CTU2: variants seen among roughly 807,000 people sequenced by gnomAD.
CTU2 encodes the protein cytoplasmic tRNA 2-thiolation protein 2.
A neutral mutation model predicts 64.1 loss-of-function variants in CTU2; 80 were observed. That is an observed-to-expected ratio of 1.25 (90% CI 1.04 to 1.50). CTU2 has a LOEUF of 1.50. Ranked by LOEUF, CTU2 falls within the 40% of genes most tolerant of loss-of-function variation. The probability of loss-of-function intolerance (pLI) is 0.00; values close to 1 mark genes in which losing one functional copy is unlikely to be tolerated. For missense variants in CTU2, 1,110 were observed against 690.2 expected, an observed-to-expected ratio of 1.61 and a Z score of -6.81; for synonymous variants, 482 against 285.3, an observed-to-expected ratio of 1.69 and a Z score of -6.95.
At chr16:88,713,272 T>A in intron 7 of CTU2, 40 bp from the exon 8 acceptor site, 1 of 918,400 alleles carries the variant, frequency 1.1e-6, no homozygotes, top group Non-Finnish European at 1.4e-6. Flanking sequence ...CTTCCCCGGG[T>A]CCTGCACCCC....
Position 88,715,113 on chromosome 16 carries a change from G to A in CTU2, c.1478+7G>A, listed in dbSNP as rs182790212. The stretch of plus-strand genomic sequence containing the variant: ...CCCAGCTCCGCACACAGAGGTACTG[G>A]GGCCCACACTGCCGTGGCGCGTGGG... On this transcript the variant is annotated splice_region_variant and intron_variant, in intron 14 of 14. Coordinates refer to ENST00000453996, the MANE Select transcript of CTU2 (RefSeq NM_001012759.3). 438 of 1,594,086 alleles carry A rather than the reference G, an allele frequency of 2.7e-4. 2 individuals carry two copies. The East Asian group carries it at 7.1e-3, about 26-fold the overall frequency.
intron 5 of CTU2, 34 bp downstream of exon 5, chr16:88,711,729 C>T (rs372120708): frequency 3.2e-6 from 5 of 1,581,386 alleles, no homozygotes; most frequent in African/African-American, 1.3e-5. Flanking sequence ...TAGTCCCTGG[C>T]CACTTGGGGT....
chr16:88,712,063 C>G (rs1158042889), intron 5 of CTU2: 5 of 686,732 alleles, frequency 7.3e-6, no homozygotes, highest in Admixed American at 2.1e-5. Context: ...TCCTGCAGAA[C>G]GAACTCCTGG....
In CTU2 at chr16:88,714,742, G is replaced by C; in HGVS notation, c.1352+5G>C. The C allele has an allele frequency of 1.9e-6, 3 of 1,605,864 alleles. No homozygotes were observed. Among genetic ancestry groups the C allele is most frequent in the Non-Finnish European group, 2.6e-6 (3 of 1,175,772 alleles). Reference sequence around the variant, plus strand: ...TGGCCAGGGGGCCTGCAGGAGGTGAGTCCCTGTCCCTGCCACCCATGGCCA... The same window carrying C: ...TGGCCAGGGGGCCTGCAGGAGGTGACTCCCTGTCCCTGCCACCCATGGCCA... On this transcript the variant is annotated splice_donor_5th_base_variant and intron_variant, in intron 12 of 14. Transcript: ENST00000453996.
intron 2 of CTU2, 62 bp from the exon 3 acceptor site, chr16:88,709,876 C>T: frequency 3.5e-6 from 5 of 1,440,592 alleles, no homozygotes; most frequent in Non-Finnish European, 3.9e-6. Flanking sequence ...CTGGCAGCGC[C>T]TCAGGACGCT....
intron 9 of CTU2, 55 bp downstream of exon 9, chr16:88,713,833 G>C (rs1166855131): frequency 4.4e-6 from 7 of 1,606,314 alleles, no homozygotes; most frequent in Non-Finnish European, 6.0e-6. Flanking sequence ...GGTGGGCCAT[G>C]TGGGCTGGGC....
In CTU2 at chr16:88,712,644, T is replaced by C. The variant is rs1160243564; in HGVS notation, c.476T>C (p.Val159Ala). Residue 159 changes from valine (V) to alanine (A), a missense_variant, in exon 7 of 15, where the codon GTG becomes GCG. Coordinates refer to ENST00000453996, the MANE Select transcript of CTU2 (RefSeq NM_001012759.3). ...AAGGTGTTCAGCCTGCCACCGTCGG[T>C]GCTTTGGTGCTCTGCCCAGGAGCTG... ...LEEVFSLPPS[V>A]LWCSAQELVG... 3.1e-6 allele frequency: 5 copies of C among 1,610,212 alleles called. No homozygotes were observed. The African/African-American group carries it at 6.7e-5, about 22-fold the overall frequency.
At chr16:88,715,131 C>G (rs369895707) in intron 14 of CTU2, 25 bp downstream of exon 14, 1 of 1,603,530 alleles carries the variant, frequency 6.2e-7, no homozygotes, top group South Asian at 1.1e-5. Flanking sequence ...ACTGCCGTGG[C>G]GCGTGGGTAA....
intron 2 of CTU2, chr16:88,709,176 G>C (rs773779940): frequency 6.6e-6 from 1 of 152,246 alleles, no homozygotes; most frequent in Non-Finnish European, 1.5e-5. Context: ...TATCTACCTG[G>C]GTGGCTGAGG....
intron 8 of CTU2, 80 bp downstream of exon 8, chr16:88,713,527 G>A (rs1037083910): frequency 3.4e-5 from 51 of 1,494,034 alleles, no homozygotes; most frequent in East Asian, 4.8e-5. Context: ...GTAGCCTCTC[G>A]CGTATCAGTC....
intron 2 of CTU2, among the ~76,000 whole-genome samples, chr16:88,707,691 C>A (rs1025237925): frequency 5.3e-5 from 8 of 152,112 alleles, no homozygotes; most frequent in Non-Finnish European, 1.2e-4. Context: ...TGGCTTGTAG[C>A]CATTGTATTG....
intron 4 of CTU2, among the ~76,000 whole-genome samples, chr16:88,711,135 GTT>G (rs1285208371): frequency 6.6e-6 from 1 of 152,186 alleles, no homozygotes; most frequent in Admixed American, 6.5e-5. Context: ...GCTGAAATTA[GTT>G]TTCTGTTTTC....
chr16:88,713,823 G>A, intron 9 of CTU2, 45 bp downstream of exon 9: 1 of 1,609,272 alleles, frequency 6.2e-7, no homozygotes, highest in Non-Finnish European at 8.5e-7. Context: ...TTGACACCGG[G>A]GTGGGCCATG....
chr16:88,711,558 A>C (rs1379410602), intron 4 of CTU2, 77 bp from the exon 5 acceptor site: 92 of 1,367,480 alleles, frequency 6.7e-5, no homozygotes, highest in Non-Finnish European at 9.1e-5. Context: ...TTAAATCCAG[A>C]TGAAGAATGT....
chr16:88,712,424 C>G (rs1441978761), intron 6 of CTU2, 41 bp downstream of exon 6: 1 of 1,515,852 alleles, frequency 6.6e-7, no homozygotes, highest in Non-Finnish European at 8.9e-7. Context: ...GGAGGTGACC[C>G]CTGGGGGGCA....
intron 2 of CTU2, among the ~76,000 whole-genome samples, chr16:88,707,918 C>G (rs1255981017): frequency 6.6e-6 from 1 of 152,050 alleles, no homozygotes; most frequent in Non-Finnish European, 1.5e-5. Flanking sequence ...TCAAGTGATT[C>G]TCCTGCCTCA....
intron 1 of CTU2, 30 bp from the exon 2 acceptor site, chr16:88,707,106 T>G: frequency 6.2e-7 from 1 of 1,608,108 alleles, no homozygotes; most frequent in African/African-American, 1.3e-5. Context: ...GATCTGTGTT[T>G]CTCTCTTCTC....
chr16:88,708,812 T>C (rs4238685), intron 2 of CTU2: 139,070 of 152,190 alleles, frequency 0.91, 63,621 homozygotes, highest in Middle Eastern at 0.96. Context: ...TACCGGGTGC[T>C]GCTCTTCACC....
At position 88,714,668 on chromosome 16, in the gene CTU2, C is replaced by G. The variant is rs985393753; in HGVS notation, c.1283C>G (p.Thr428Arg). The part of the protein sequence containing the change: ...QSPIPLTETR[T>R]PPGPCCSPGV... ...CCCATCCCCCTGACTGAGACCCGGA[C>G]ACCCCCGGGGCCCTGCTGTTCTCCA... The change falls in exon 12 of 15, where the codon ACA becomes AGA. Residue 428 changes from threonine to arginine, a missense_variant. By Grantham distance (71) the Thr-to-Arg change is moderately conservative. Coordinates refer to ENST00000453996, the MANE Select transcript of CTU2 (RefSeq NM_001012759.3). 2.5e-6 allele frequency: 4 copies of G among 1,612,384 alleles called. No homozygotes were observed. The highest frequency in any genetic ancestry group is 1.7e-6 in the Non-Finnish European group (2 of 1,179,836).
Sources: gnomAD v4.1 joint callset for allele counts (sites outside exome capture counted in the v4.1 genomes callset) on GRCh38, gnomAD v4.1.1 for gene constraint, MANE v1.5 for transcripts, NCBI Gene and HGNC (gene_info 2026-07-23, HGNC 2026-07-21) for gene names.